UPP2: variants seen among roughly 807,000 people sequenced by gnomAD.
The protein encoded by UPP2 is UPase 2.
In UPP2, 23 loss-of-function variants were observed where a neutral mutation model predicts 26.7. The observed-to-expected ratio is 0.86, with a 90% confidence interval of 0.62 to 1.22. The LOEUF is 1.22. UPP2 is among the 50% of genes most tolerant of loss of function. The pLI is 0.00. For missense variants in UPP2, 387 were observed against 396.7 expected (o/e 0.98, Z 0.21); for synonymous variants, 127 against 141.3 (o/e 0.90, Z 0.72).
chr2:158,110,152 C>A (rs1355792160), intron 2 of UPP2, among the ~76,000 whole-genome samples: 1 of 152,142 alleles, frequency 6.6e-6, no homozygotes, highest in Non-Finnish European at 1.5e-5. Flanking sequence ...AATCCCTCCC[C>A]ACTGCCCCCA....
At chr2:158,134,056 T>C (rs1328052554) in intron 6 of UPP2, 1 of 152,252 alleles carries the variant, frequency 6.6e-6, no homozygotes, top group Admixed American at 6.5e-5. Flanking sequence ...AGTTTCATTT[T>C]TTAAAAAAGA....
intron 3 of UPP2, among the ~76,000 whole-genome samples, chr2:158,072,855 A>G (rs1341484438): frequency 6.6e-6 from 1 of 152,204 alleles, no homozygotes; most frequent in Non-Finnish European, 1.5e-5. Context: ...CCTTTCCAAG[A>G]AAGATGGGCA....
In UPP2 at chr2:158,134,803, G is replaced by C. The variant is rs1489444800; in HGVS notation, c.867G>C (p.Leu289Phe). The change falls in exon 7 of 7, where the codon TTG becomes TTC. Residue 289 changes from leucine to phenylalanine, a missense_variant. Coordinates refer to ENST00000005756, the MANE Select transcript of UPP2 (RefSeq NM_173355.4). ...GACTCGACTGTGATCAGATCAACTT[G>C]CCTCATGATGTCCTGGTGGAGTACC... ...LDRLDCDQIN[L>F]PHDVLVEYQQ... The C allele has an allele frequency of 1.1e-5, 17 of 1,613,710 alleles. No homozygotes were observed. Among genetic ancestry groups the C allele is most frequent in the Non-Finnish European group, 1.4e-5 (17 of 1,179,794 alleles).
At chr2:158,115,028 C>T in intron 2 of UPP2, 73 bp from the exon 3 acceptor site, 3 of 1,395,506 alleles carry the variant, frequency 2.1e-6, no homozygotes, top group Non-Finnish European at 2.8e-6. Flanking sequence ...AAAATAAAAA[C>T]ATTAGAGTTG....
At chr2:158,066,253 C>A (rs1682433096) in intron 3 of UPP2, among the ~76,000 whole-genome samples, 1 of 152,224 alleles carries the variant, frequency 6.6e-6, no homozygotes, top group Admixed American at 6.5e-5. Flanking sequence ...GGGTTACAGT[C>A]AACCTATTTG....
intron 6 of UPP2, among the ~76,000 whole-genome samples, chr2:158,134,470 A>G (rs904815069): frequency 3.3e-5 from 5 of 152,248 alleles, no homozygotes; most frequent in African/African-American, 7.2e-5. Context: ...TATCTTGAAC[A>G]TGATGCTTTC....
At chr2:158,115,479 G>A (rs1452699044) in intron 3 of UPP2, among the ~76,000 whole-genome samples, 1 of 152,002 alleles carries the variant, frequency 6.6e-6, no homozygotes, top group African/African-American at 2.4e-5. Flanking sequence ...TCAAATTAGG[G>A]GGAAAATACT....
At position 158,043,451 on chromosome 2, in the gene UPP2, A is replaced by G. The variant is rs534532841; in HGVS notation, c.147+27565A>G. Among the ~76,000 whole-genome samples the G allele has an allele frequency of 3.3e-5, 5 of 152,326 alleles. No homozygotes were observed. The South Asian group carries it at 1.0e-3, about 32-fold the overall frequency. ...GAGAGAGAAGTAGAGTCTCTGGGAA[A>G]GCATCCAGATGCCTCCTACCTTTGG... On this transcript the variant is annotated intron_variant, in intron 3 of 9. Coordinates refer to the UPP2 transcript ENST00000605860.
intron 3 of UPP2, among the ~76,000 whole-genome samples, chr2:158,025,378 G>A (rs1386683784): frequency 1.3e-5 from 2 of 152,170 alleles, no homozygotes; most frequent in African/African-American, 2.4e-5. Flanking sequence ...GCAACTCCAC[G>A]TGCTTTAGAT....
chr2:158,070,014 C>T (rs1423266025), intron 3 of UPP2, among the ~76,000 whole-genome samples: 4 of 152,108 alleles, frequency 2.6e-5, no homozygotes, highest in Admixed American at 1.3e-4. Flanking sequence ...CCAAAGGCCT[C>T]ACCAAACAAG....
intron 6 of UPP2, among the ~76,000 whole-genome samples, chr2:158,125,363 T>C (rs1683670215): frequency 6.6e-6 from 1 of 152,148 alleles, no homozygotes; most frequent in East Asian, 1.9e-4. Context: ...TCAGAATATA[T>C]GTACGTGTAA....
At chr2:158,007,366 G>A (rs1346206438) in intron 2 of UPP2, among the ~76,000 whole-genome samples, 3 of 152,150 alleles carry the variant, frequency 2.0e-5, no homozygotes, top group Non-Finnish European at 4.4e-5. Context: ...TCTGACTTCA[G>A]TCTTTTCTTG....
At chr2:158,099,425 C>T (rs1045724892), upstream of UPP2, among the ~76,000 whole-genome samples, 7 of 152,158 alleles carry the variant, frequency 4.6e-5, no homozygotes, top group Middle Eastern at 3.4e-3. Context: ...CTCTGAGACC[C>T]GCCAAAGAAG....
intron 3 of UPP2, among the ~76,000 whole-genome samples, chr2:158,049,341 T>A (rs1202030842): frequency 1.3e-5 from 2 of 152,218 alleles, no homozygotes; most frequent in Non-Finnish European, 2.9e-5. Flanking sequence ...CCACAGCACC[T>A]GTGTGGCAAA....
intron 6 of UPP2, among the ~76,000 whole-genome samples, chr2:158,130,869 A>AGTAT (rs1286177860): frequency 7.2e-5 from 11 of 152,180 alleles, no homozygotes; most frequent in African/African-American, 2.4e-4. Context: ...ATAAAGCCTA[A>AGTAT]GTATCTCTGA....
intron 1 of UPP2, among the ~76,000 whole-genome samples, chr2:158,103,597 A>C (rs530910380): frequency 2.2e-3 from 341 of 152,340 alleles, no homozygotes; most frequent in African/African-American, 7.8e-3. Context: ...TAGGAATCCA[A>C]AGGAATATTT....
chr2:158,056,157 C>T (rs2105174999), intron 3 of UPP2, among the ~76,000 whole-genome samples: 1 of 152,074 alleles, frequency 6.6e-6, no homozygotes, highest in Admixed American at 6.5e-5. Flanking sequence ...GAAATTGAGA[C>T]CTTATTTCAA....
At chr2:157,995,351 T>C (rs1683308829) in intron 2 of UPP2, 1 of 1,395,336 alleles carries the variant, frequency 7.2e-7, no homozygotes, top group Non-Finnish European at 1.0e-6. Context: ...TTGAATTATG[T>C]GGTTGATGTT....
At chr2:158,097,355 A>G (rs1020382364), upstream of UPP2, among the ~76,000 whole-genome samples, 2 of 151,984 alleles carry the variant, frequency 1.3e-5, no homozygotes, top group African/African-American at 4.8e-5. Flanking sequence ...TCATTGTCCA[A>G]AGAGAAATTC....
Sources: allele counts gnomAD v4.1 joint callset (sites outside exome capture counted in the v4.1 genomes callset), GRCh38; gene constraint gnomAD v4.1.1; transcripts MANE v1.5; gene names NCBI Gene and HGNC (gene_info 2026-07-23, HGNC 2026-07-21).